TTC39B: variants seen among roughly 807,000 people sequenced by gnomAD.
TTC39B encodes the protein tetratricopeptide repeat domain 39B, also known as tetratricopeptide repeat protein 39B.
In TTC39B, 92 loss-of-function variants were observed where a neutral mutation model predicts 96.6. The observed-to-expected ratio is 0.95, with a 90% CI of 0.80 to 1.13. The LOEUF is 1.13. Among genes scored for constraint, TTC39B ranks in the 50% most tolerant of loss-of-function variants. TTC39B has a pLI of 0.00. For missense variants in TTC39B, 955 were observed against 809.3 expected (o/e 1.18, Z -2.18); for synonymous variants, 367 against 299.4 (o/e 1.23, Z -2.33).
At position 15,281,673 on chromosome 9, in the gene TTC39B, T is replaced by C. The variant is rs540173113; in HGVS notation, c.241-13725A>G. 6.3e-4 allele frequency among the ~76,000 whole-genome samples: 86 copies of C among 136,184 alleles called. 1 individual carries two copies. Among genetic ancestry groups the C allele is most frequent in the African/African-American group, 2.8e-3 (83 of 29,946 alleles). The allele number at this position is 136,184 out of a possible 152,430, so 89.3% of individuals were successfully genotyped here. ...AAATGGCAAAAAGCTAAATGCCTCTTCTGCATTTTTTTTTTCTTTTTGAGA... is the reference window on the plus strand; with the variant it reads ...AAATGGCAAAAAGCTAAATGCCTCTCCTGCATTTTTTTTTTCTTTTTGAGA... On this transcript the variant is annotated intron_variant, in intron 1 of 19. Transcript: ENST00000512701.
At chr9:15,278,773 G>A (rs866930546) in intron 1 of TTC39B, among the ~76,000 whole-genome samples, 3 of 152,124 alleles carry the variant, frequency 2.0e-5, no homozygotes, top group African/African-American at 4.8e-5. Flanking sequence ...GAATACTCAC[G>A]TGCTTATTTC....
chr9:15,214,501 G>A (rs968609387), intron 3 of TTC39B, among the ~76,000 whole-genome samples: 1 of 152,032 alleles, frequency 6.6e-6, no homozygotes, highest in Non-Finnish European at 1.5e-5. Context: ...TGATTCTCAG[G>A]GAAATTACAA....
At chr9:15,211,045 A>T (rs969245042) in intron 5 of TTC39B, among the ~76,000 whole-genome samples, 1 of 147,826 alleles carries the variant, frequency 6.8e-6, no homozygotes, top group African/African-American at 2.5e-5. Context: ...TCCCCCCGAA[A>T]TCCCCCCCAG....
At chr9:15,180,858 A>G (rs1000510727) in intron 17 of TTC39B, among the ~76,000 whole-genome samples, 4 of 152,230 alleles carry the variant, frequency 2.6e-5, no homozygotes, top group Non-Finnish European at 5.9e-5. Flanking sequence ...GGCAAAGGTG[A>G]TCTTCAGAAA....
intron 1 of TTC39B, among the ~76,000 whole-genome samples, chr9:15,270,706 G>T (rs757782081): frequency 5.3e-5 from 8 of 151,384 alleles, no homozygotes; most frequent in Non-Finnish European, 1.2e-4. Context: ...CTTGAGTTCA[G>T]CATGGACAGT....
At chr9:15,267,361 A>C (rs1038324701) in intron 2 of TTC39B, among the ~76,000 whole-genome samples, 4 of 152,274 alleles carry the variant, frequency 2.6e-5, no homozygotes, top group African/African-American at 9.6e-5. Flanking sequence ...CTTTTAATTC[A>C]GTAATCCTAC....
chr9:15,264,758 T>C (rs967666548), intron 2 of TTC39B, among the ~76,000 whole-genome samples: 23 of 149,422 alleles, frequency 1.5e-4, no homozygotes, highest in African/African-American at 5.7e-4. Context: ...TCTTATAACA[T>C]CATGTTGTAT....
chr9:15,243,848 T>C (rs1344553996), intron 2 of TTC39B, among the ~76,000 whole-genome samples: 3 of 152,200 alleles, frequency 2.0e-5, no homozygotes, highest in Non-Finnish European at 4.4e-5. Flanking sequence ...AAAGCTGCAG[T>C]GGGCAGCACT....
intron 1 of TTC39B, among the ~76,000 whole-genome samples, chr9:15,284,296 A>G (rs1363817300): frequency 6.6e-6 from 1 of 152,238 alleles, no homozygotes; most frequent in Non-Finnish European, 1.5e-5. Flanking sequence ...ATATACTATC[A>G]TTACAGTCTG....
At chr9:15,221,106 A>G (rs1439308216) in intron 3 of TTC39B, among the ~76,000 whole-genome samples, 5 of 152,146 alleles carry the variant, frequency 3.3e-5, no homozygotes, top group African/African-American at 7.2e-5. Context: ...GTCACTAAGC[A>G]TCTTCAGGGG....
chr9:15,206,436 T>A (rs151190958), intron 6 of TTC39B, among the ~76,000 whole-genome samples: 80 of 152,346 alleles, frequency 5.3e-4, no homozygotes, highest in African/African-American at 1.8e-3. Flanking sequence ...TGGGTTGCAG[T>A]TGACAGCCAA....
In TTC39B at chr9:15,242,659, A is replaced by G. The variant is rs546825790; in HGVS notation, c.276-16647T>C. 1.2e-3 allele frequency among the ~76,000 whole-genome samples: 178 copies of G among 152,290 alleles called. 2 individuals are homozygous for G. The highest frequency in any genetic ancestry group is 1.2e-3 in the South Asian group (6 of 4,816). ...GGAATATGAAAGCTCCATTCACTAG[A>G]AAGATTTTGGTTCATCCTTCTAGAC... On this transcript the variant is annotated intron_variant, in intron 2 of 19. Transcript: ENST00000512701.
At chr9:15,267,969 A>T in intron 1 of TTC39B, 21 bp from the exon 2 acceptor site, 1 of 1,607,390 alleles carries the variant, frequency 6.2e-7, no homozygotes, top group Non-Finnish European at 8.5e-7. Flanking sequence ...TAAAAAATAC[A>T]ATGAGTTTCT....
intron 1 of TTC39B, among the ~76,000 whole-genome samples, chr9:15,289,676 T>G (rs10810370): frequency 0.26 from 40,084 of 152,016 alleles, 6,130 homozygotes; most frequent in Non-Finnish European, 0.33. Flanking sequence ...AGAGGCTGAT[T>G]TTTTTTTATT....
intron 7 of TTC39B, among the ~76,000 whole-genome samples, chr9:15,201,811 C>G (rs1021977642): frequency 6.6e-6 from 1 of 152,042 alleles, no homozygotes; most frequent in Non-Finnish European, 1.5e-5. Flanking sequence ...TGAAAAAGTA[C>G]CCCCCTCATT....
chr9:15,305,046 C>A (rs1009938197), intron 1 of TTC39B, among the ~76,000 whole-genome samples: 3 of 152,016 alleles, frequency 2.0e-5, no homozygotes, highest in African/African-American at 7.3e-5. Context: ...TTCTTAAATA[C>A]GTGAAAAGCT....
At chr9:15,212,247 T>C (rs1820242960) in intron 4 of TTC39B, among the ~76,000 whole-genome samples, 1 of 152,196 alleles carries the variant, frequency 6.6e-6, no homozygotes, top group Admixed American at 6.5e-5. Context: ...CATCCTTTGG[T>C]AATTTGCAGC....
chr9:15,250,208 C>T (rs931497665), intron 2 of TTC39B: 62 of 1,132,568 alleles, frequency 5.5e-5, no homozygotes, highest in African/African-American at 3.8e-4. Context: ...ACTGCTGTAG[C>T]GGATGCTTCT....
At chr9:15,245,152 C>A (rs1474969776) in intron 2 of TTC39B, among the ~76,000 whole-genome samples, 1 of 152,186 alleles carries the variant, frequency 6.6e-6, no homozygotes, top group Non-Finnish European at 1.5e-5. Context: ...GAATGACATT[C>A]TTCCTGATGC....
Sources: allele counts gnomAD v4.1 joint callset (sites outside exome capture counted in the v4.1 genomes callset), GRCh38; gene constraint gnomAD v4.1.1; transcripts MANE v1.5; gene names NCBI Gene and HGNC (gene_info 2026-07-23, HGNC 2026-07-21).